Variants in TAFA1 observed in about 807,000 individuals in gnomAD.
TAFA1 encodes the protein chemokine-like protein TAFA-1.
TAFA1 carries 4 observed loss-of-function variants against 18.5 expected under a neutral mutation model. The ratio of observed to expected loss-of-function variants is 0.22; its 90% CI spans 0.11 to 0.49. The LOEUF is 0.49. Among genes scored for constraint, TAFA1 ranks in the 20% least tolerant of loss-of-function variants. The pLI is 0.98. For missense variants in TAFA1, 147 were observed against 169.0 expected, an observed-to-expected ratio of 0.87 and a Z score of 0.72; for synonymous variants, 56 against 55.2, an observed-to-expected ratio of 1.01 and a Z score of -0.06.
rs534091564 is a variant in TAFA1, at chr3:68,255,235, T to C, written c.119-162045T>C. On this transcript the variant is annotated intron_variant, in intron 2 of 4. Transcript: ENST00000478136. ...AGAAGGAATAAAGAATATTCTTTAG[T>C]TCTCAAATAACTTTTTATTAAATAT... is the stretch of plus-strand genomic sequence containing the variant. Among the ~76,000 whole-genome samples the C allele has an allele frequency of 2.5e-4, 38 of 152,298 alleles. 1 individual carries two copies. The highest frequency in any genetic ancestry group is 8.7e-4 in the African/African-American group (36 of 41,580).
At chr3:68,074,274 C>G (rs1380197131) in intron 2 of TAFA1, among the ~76,000 whole-genome samples, 1 of 152,138 alleles carries the variant, frequency 6.6e-6, no homozygotes, top group Non-Finnish European at 1.5e-5. Flanking sequence ...TGAAAATTCA[C>G]TTGCTCACCT....
chr3:68,343,922 C>T (rs2106758946), intron 2 of TAFA1, among the ~76,000 whole-genome samples: 1 of 152,338 alleles, frequency 6.6e-6, no homozygotes, highest in African/African-American at 2.4e-5. Flanking sequence ...CGGCTCACCG[C>T]AACCTCTGCC....
chr3:68,485,952 T>A (rs1293091600), intron 3 of TAFA1, among the ~76,000 whole-genome samples: 1 of 152,052 alleles, frequency 6.6e-6, no homozygotes, highest in Non-Finnish European at 1.5e-5. Context: ...TTTTTTAAAA[T>A]GTGTTCTCAC....
At chr3:68,387,059 A>AT (rs1026064519) in intron 2 of TAFA1, among the ~76,000 whole-genome samples, 4,271 of 146,676 alleles carry the variant, frequency 0.029, 170 homozygotes, top group African/African-American at 0.09. Flanking sequence ...GCCTAATTTT[A>AT]TTTTTTTTTT....
chr3:68,333,706 T>C (rs2106736252), intron 2 of TAFA1, among the ~76,000 whole-genome samples: 1 of 151,990 alleles, frequency 6.6e-6, no homozygotes, highest in African/African-American at 2.4e-5. Flanking sequence ...AATCAGTGAG[T>C]GAAAGAGAGA....
At chr3:68,167,146 G>C (rs1251787172) in intron 2 of TAFA1, among the ~76,000 whole-genome samples, 1 of 152,208 alleles carries the variant, frequency 6.6e-6, no homozygotes, top group Non-Finnish European at 1.5e-5. Flanking sequence ...GGTTAGTGCT[G>C]TGGTTGGGAC....
intron 2 of TAFA1, among the ~76,000 whole-genome samples, chr3:68,321,292 G>A (rs939825531): frequency 3.3e-5 from 5 of 152,090 alleles, no homozygotes; most frequent in African/African-American, 1.2e-4. Context: ...CCATAAAATG[G>A]GGATAATCAT....
At chr3:68,341,455 C>G (rs262208) in intron 2 of TAFA1, among the ~76,000 whole-genome samples, 1 of 151,908 alleles carries the variant, frequency 6.6e-6, no homozygotes, top group South Asian at 2.1e-4. Flanking sequence ...GTTATTCCCA[C>G]GAGCAATTTG....
At chr3:68,362,067 G>T (rs2069477705) in intron 2 of TAFA1, among the ~76,000 whole-genome samples, 1 of 152,136 alleles carries the variant, frequency 6.6e-6, no homozygotes, top group African/African-American at 2.4e-5. Context: ...TTTCAATGGA[G>T]AATCAAGCAA....
At chr3:68,535,304 A>G (rs952860182) in intron 3 of TAFA1, among the ~76,000 whole-genome samples, 2 of 152,082 alleles carry the variant, frequency 1.3e-5, no homozygotes, top group African/African-American at 4.8e-5. Context: ...ATTCACATAA[A>G]TAAGTACTTT....
chr3:68,287,720 T>A (rs2068033993), intron 2 of TAFA1, among the ~76,000 whole-genome samples: 1 of 152,176 alleles, frequency 6.6e-6, no homozygotes, highest in Non-Finnish European at 1.5e-5. Context: ...GGATGTTTCC[T>A]GGCTTGCATT....
intron 2 of TAFA1, among the ~76,000 whole-genome samples, chr3:68,156,242 C>G (rs1196146789): frequency 6.6e-6 from 1 of 152,148 alleles, no homozygotes; most frequent in Non-Finnish European, 1.5e-5. Context: ...AACCAGCAGT[C>G]AGGATATTTC....
intron 3 of TAFA1, among the ~76,000 whole-genome samples, chr3:68,452,098 C>T (rs1393434413): frequency 6.6e-6 from 1 of 152,082 alleles, no homozygotes; most frequent in East Asian, 1.9e-4. Flanking sequence ...GGTCTGAATG[C>T]TTCCATGATG....
Position 68,346,294 on chromosome 3 carries a change from G to A in TAFA1, c.119-70986G>A, listed in dbSNP as rs181153451. Reference sequence around the variant, plus strand: ...ACCTCAGCCTCTCTTGAGTAGTTGGGACTACCAGTGTGCACCACCACACCC... The same window carrying A: ...ACCTCAGCCTCTCTTGAGTAGTTGGAACTACCAGTGTGCACCACCACACCC... On this transcript the variant is annotated intron_variant, in intron 2 of 4. Coordinates refer to ENST00000478136, the MANE Select transcript of TAFA1 (RefSeq NM_213609.4). Among the ~76,000 whole-genome samples, 783 of 152,054 alleles carry A rather than the reference G, an allele frequency of 5.1e-3. 1 individual carries two copies. Among genetic ancestry groups the A allele is most frequent in the Middle Eastern group, 0.01 (3 of 294 alleles).
chr3:68,452,738 T>G (rs1027145045), intron 3 of TAFA1, among the ~76,000 whole-genome samples: 3 of 152,158 alleles, frequency 2.0e-5, no homozygotes, highest in African/African-American at 7.2e-5. Flanking sequence ...TGAAATTGAT[T>G]GTAAATCATT....
intron 2 of TAFA1, among the ~76,000 whole-genome samples, chr3:68,079,181 C>T (rs921178390): frequency 4.4e-4 from 67 of 151,818 alleles, no homozygotes; most frequent in African/African-American, 1.5e-3. Context: ...TTTTTATTGC[C>T]GTCTATTTGA....
chr3:68,116,088 C>G (rs925903476), intron 2 of TAFA1, among the ~76,000 whole-genome samples: 4 of 152,036 alleles, frequency 2.6e-5, no homozygotes, highest in Non-Finnish European at 5.9e-5. Context: ...AACCCCGTCT[C>G]TACTAAAAAT....
intron 3 of TAFA1, among the ~76,000 whole-genome samples, chr3:68,476,966 C>G (rs1225309800): frequency 6.6e-6 from 1 of 152,112 alleles, no homozygotes; most frequent in Non-Finnish European, 1.5e-5. Flanking sequence ...ACCCATGTAT[C>G]CAGCACTCAG....
chr3:68,348,110 G>A (rs1382525230), intron 2 of TAFA1, among the ~76,000 whole-genome samples: 1 of 152,118 alleles, frequency 6.6e-6, no homozygotes, highest in Non-Finnish European at 1.5e-5. Flanking sequence ...AGGTAAAAGT[G>A]CCACCCACGG....
Sources: gnomAD v4.1 joint callset for allele counts (sites outside exome capture counted in the v4.1 genomes callset) on GRCh38, gnomAD v4.1.1 for gene constraint, MANE v1.5 for transcripts, NCBI Gene and HGNC (gene_info 2026-07-23, HGNC 2026-07-21) for gene names.